Variants in ADAMTSL1 observed in about 807,000 individuals in gnomAD.
The protein encoded by ADAMTSL1 is ADAMTS like 1.
ADAMTSL1 carries 126 observed loss-of-function variants against 201.8 expected under a neutral mutation model. The observed-to-expected ratio is 0.62, with a 90% CI of 0.54 to 0.72. ADAMTSL1 has a LOEUF of 0.72. ADAMTSL1 is among the 30% of genes least tolerant of loss of function. ADAMTSL1 has a pLI of 0.00. For synonymous variants in ADAMTSL1, 1,121 were observed against 903.4 expected (o/e 1.24, Z -4.32); for missense variants, 2,679 against 2,277.8 (o/e 1.18, Z -3.59).
intron 1 of ADAMTSL1, among the ~76,000 whole-genome samples, chr9:17,941,389 G>C (rs536018145): frequency 1.1e-4 from 17 of 152,178 alleles, no homozygotes; most frequent in African/African-American, 3.6e-4. Flanking sequence ...TACCTAAAAA[G>C]GCTTTGAGCA....
At chr9:18,261,018 T>C (rs1235622853) in intron 2 of ADAMTSL1, among the ~76,000 whole-genome samples, 1 of 145,808 alleles carries the variant, frequency 6.9e-6, no homozygotes, top group Non-Finnish European at 1.5e-5. Context: ...TTTTCTTTTT[T>C]TTTTTTTTTT....
chr9:18,644,576 C>T (rs1291685504), intron 7 of ADAMTSL1, among the ~76,000 whole-genome samples: 3 of 147,514 alleles, frequency 2.0e-5, no homozygotes, highest in Non-Finnish European at 3.0e-5. Context: ...TGTGATGTTC[C>T]CCTTCCTGTG....
In ADAMTSL1 at chr9:18,595,483, C is replaced by A. The variant is rs189785664; in HGVS notation, c.474+21217C>A. On this transcript the variant is annotated intron_variant, in intron 4 of 28. Transcript: ENST00000380548. ...TAGCTCAGAAAAGTAAGTTCCTGCA[C>A]AGGTAGGATGGTTCTCCTACTGCAG... is the stretch of plus-strand genomic sequence containing the variant. Among the ~76,000 whole-genome samples the A allele has an allele frequency of 2.4e-3, 370 of 152,244 alleles. 1 individual carries two copies. Among genetic ancestry groups the A allele is most frequent in the Non-Finnish European group, 4.7e-3 (317 of 68,006 alleles).
At chr9:18,338,380 A>G (rs1450837050) in intron 2 of ADAMTSL1, among the ~76,000 whole-genome samples, 1 of 151,970 alleles carries the variant, frequency 6.6e-6, no homozygotes, top group Non-Finnish European at 1.5e-5. Flanking sequence ...ATTTCCATTC[A>G]GGTTCCTACC....
rs761328220 is a variant in ADAMTSL1 at position 18,707,002 on chromosome 9, C to T, written c.1830C>T (p.Asp610=). ...TGCAGGATTTCGACGAGCTGTATGA[C>T]TGGGAGTATGAGGGGTTCACCAAGT... ...GGLQDFDELY[D]WEYEGFTKCS... is the part of the protein sequence containing the mutation. Residue 610 remains aspartate, a synonymous_variant, in exon 14 of 29, where the codon GAC becomes GAT. Coordinates refer to ENST00000380548, the MANE Select transcript of ADAMTSL1 (RefSeq NM_001040272.6). 4 of 1,613,852 alleles carry T rather than the reference C, an allele frequency of 2.5e-6. No homozygotes were observed. The South Asian group carries it at 4.4e-5, about 18-fold the overall frequency.
In ADAMTSL1 at chr9:18,478,988, G is replaced by A. The variant is rs545635262; in HGVS notation, c.63+4693G>A. 1.8e-4 allele frequency among the ~76,000 whole-genome samples: 28 copies of A among 152,244 alleles called. No individual in the cohort carries two copies. The East Asian group carries it at 1.9e-3, about 11-fold the overall frequency. On this transcript the variant is annotated intron_variant, in intron 1 of 28. Coordinates refer to ENST00000380548, the MANE Select transcript of ADAMTSL1 (RefSeq NM_001040272.6). Reference sequence around the variant, plus strand: ...TGATTGGCAGTACTGGCTCATGAGCGGCTTAGGACTGGCATACCAGAGGTG... The same window carrying A: ...TGATTGGCAGTACTGGCTCATGAGCAGCTTAGGACTGGCATACCAGAGGTG...
At chr9:18,719,022 A>G (rs1311311686) in intron 14 of ADAMTSL1, among the ~76,000 whole-genome samples, 1 of 152,236 alleles carries the variant, frequency 6.6e-6, no homozygotes, top group African/African-American at 2.4e-5. Context: ...ACTTCTCATC[A>G]CTACCTTAAT....
chr9:18,132,506 G>A (rs1395100968), intron 1 of ADAMTSL1, among the ~76,000 whole-genome samples: 1 of 152,108 alleles, frequency 6.6e-6, no homozygotes, highest in Non-Finnish European at 1.5e-5. Flanking sequence ...TCTTCAGGGT[G>A]ATCTGCCACG....
chr9:18,654,392 A>T (rs189837406), intron 7 of ADAMTSL1, among the ~76,000 whole-genome samples: 49 of 152,406 alleles, frequency 3.2e-4, no homozygotes, highest in African/African-American at 1.1e-3. Context: ...CACAAACAAT[A>T]GTTAGAAATT....
At chr9:18,747,552 T>C (rs1819219896) in intron 15 of ADAMTSL1, among the ~76,000 whole-genome samples, 1 of 152,166 alleles carries the variant, frequency 6.6e-6, no homozygotes. Flanking sequence ...ATTTGAATTC[T>C]CCAGGCCTCA....
chr9:18,082,777 G>A lies in ADAMTSL1; in HGVS notation c.88-81085G>A, dbSNP rs77177344. ...GAAAGAGAAGCTGAGAAAGGGAAGA[G>A]GCAGAGGTAAGAAAGAAGAAGTAGA... is the stretch of plus-strand genomic sequence containing the variant. On this transcript the variant is annotated intron_variant, in intron 1 of 29. Transcript: ENST00000680146. 8.8e-3 allele frequency among the ~76,000 whole-genome samples: 1,338 copies of A among 152,278 alleles called. 28 individuals carry two copies. The highest frequency in any genetic ancestry group is 0.03 in the African/African-American group (1,259 of 41,534).
At chr9:18,734,806 C>T (rs909096813) in intron 15 of ADAMTSL1, among the ~76,000 whole-genome samples, 1 of 152,138 alleles carries the variant, frequency 6.6e-6, no homozygotes, top group Admixed American at 6.5e-5. Flanking sequence ...GATATTCCCC[C>T]AGAGTCCCAA....
At chr9:18,354,845 C>G (rs1418447438) in intron 2 of ADAMTSL1, among the ~76,000 whole-genome samples, 3 of 152,104 alleles carry the variant, frequency 2.0e-5, no homozygotes, top group African/African-American at 7.2e-5. Context: ...GTGGTGCACG[C>G]CTGTAGTCCC....
At chr9:18,074,966 A>G (rs971622963) in intron 1 of ADAMTSL1, among the ~76,000 whole-genome samples, 1 of 152,170 alleles carries the variant, frequency 6.6e-6, no homozygotes, top group Non-Finnish European at 1.5e-5. Context: ...TTGGAAATAA[A>G]TGTACATTTC....
chr9:18,666,768 G>T (rs1829461186), intron 9 of ADAMTSL1, among the ~76,000 whole-genome samples: 1 of 152,152 alleles, frequency 6.6e-6, no homozygotes, highest in African/African-American at 2.4e-5. Flanking sequence ...CAACTAAAAA[G>T]GCATAGCATG....
At chr9:18,276,341 T>C (rs940721411) in intron 2 of ADAMTSL1, among the ~76,000 whole-genome samples, 1 of 152,230 alleles carries the variant, frequency 6.6e-6, no homozygotes, top group African/African-American at 2.4e-5. Flanking sequence ...GCAAAACTTT[T>C]AAGTTTTATG....
chr9:18,732,244 G>T (rs148555293), intron 15 of ADAMTSL1, among the ~76,000 whole-genome samples: 6 of 152,218 alleles, frequency 3.9e-5, no homozygotes, highest in Middle Eastern at 3.4e-3. Flanking sequence ...TAACCCACTA[G>T]TATGGGGCAG....
At chr9:18,404,296 G>C (rs1563937920) in intron 2 of ADAMTSL1, among the ~76,000 whole-genome samples, 1 of 152,066 alleles carries the variant, frequency 6.6e-6, no homozygotes, top group Non-Finnish European at 1.5e-5. Context: ...AATACTTTAA[G>C]GCCTTCTTCA....
chr9:18,600,192 C>G (rs1161634518), intron 4 of ADAMTSL1, among the ~76,000 whole-genome samples: 1 of 151,902 alleles, frequency 6.6e-6, no homozygotes, highest in African/African-American at 2.4e-5. Flanking sequence ...GCTATATAGG[C>G]TAGGTATTTC....
Sources: gnomAD v4.1 joint callset for allele counts (sites outside exome capture counted in the v4.1 genomes callset) on GRCh38, gnomAD v4.1.1 for gene constraint, MANE v1.5 for transcripts, NCBI Gene and HGNC (gene_info 2026-07-23, HGNC 2026-07-21) for gene names.